Variants in ZNF175 observed in about 807,000 individuals in gnomAD.
ZNF175 encodes zinc finger protein 175.
In ZNF175, 8 loss-of-function variants were observed where a neutral mutation model predicts 14.0. That is an observed-to-expected ratio of 0.57 (90% CI 0.34 to 1.03). ZNF175 has a LOEUF of 1.03. Ranked by LOEUF, ZNF175 falls within the 50% of genes least tolerant of loss-of-function variation. The pLI is 0.03. For missense variants in ZNF175, 764 were observed against 849.5 expected (o/e 0.90, Z 1.25); for synonymous variants, 255 against 296.8 (o/e 0.86, Z 1.45).
intron 4 of ZNF175, among the ~76,000 whole-genome samples, chr19:51,586,031 C>T (rs975594552): frequency 3.3e-5 from 5 of 152,130 alleles, no homozygotes; most frequent in Admixed American, 6.5e-5. Context: ...ATAGGTGAAG[C>T]TTTAATAGTT....
chr19:51,581,188 A>G (rs1981986318), intron 2 of ZNF175, among the ~76,000 whole-genome samples: 1 of 152,178 alleles, frequency 6.6e-6, no homozygotes, highest in South Asian at 2.1e-4. Flanking sequence ...AAAAAAATGA[A>G]TGAATGAATG....
chr19:51,576,505 C>T (rs931383964), intron 2 of ZNF175, among the ~76,000 whole-genome samples: 4 of 152,088 alleles, frequency 2.6e-5, no homozygotes, highest in African/African-American at 9.7e-5. Context: ...CATTATCCCC[C>T]CTTTACAGAC....
chr19:51,575,400 G>A (rs76096869), intron 2 of ZNF175, among the ~76,000 whole-genome samples: 5 of 151,880 alleles, frequency 3.3e-5, no homozygotes, highest in African/African-American at 1.2e-4. Context: ...TGTATTTTTA[G>A]TAGAGATGAG....
chr19:51,587,731 G>A lies in ZNF175; in HGVS notation c.1400G>A (p.Arg467Lys). The change falls in exon 5 of 5, where the codon AGA (arginine) becomes AAA (lysine). Residue 467 changes from arginine (R) to lysine (K), a missense_variant. Transcript: ENST00000262259. ...AAGGCACACCTGATTGTCCATCAAAGAAGCCACACAGGAGAAAAACCTTAT... is the reference window on the plus strand; with the variant it reads ...AAGGCACACCTGATTGTCCATCAAAAAAGCCACACAGGAGAAAAACCTTAT... ...IQKAHLIVHQ[R>K]SHTGEKPYQC... The A allele has an allele frequency of 1.2e-6, 2 of 1,613,720 alleles. No homozygotes were observed. Among genetic ancestry groups the A allele is most frequent in the Non-Finnish European group, 1.7e-6 (2 of 1,179,620 alleles).
At chr19:51,581,655 G>A in intron 3 of ZNF175, 132 bp from the exon 4 acceptor site, 2 of 1,512,974 alleles carry the variant, frequency 1.3e-6, no homozygotes, top group Non-Finnish European at 1.8e-6. Context: ...GTTTCTTTTG[G>A]GCACCTTCTA....
intron 2 of ZNF175, 179 bp downstream of exon 2, chr19:51,573,580 T>G: frequency 3.3e-6 from 2 of 605,276 alleles, no homozygotes; most frequent in East Asian, 3.0e-5. Flanking sequence ...ATGAACTGGC[T>G]GATAAAAGAG....
intron 2 of ZNF175, among the ~76,000 whole-genome samples, chr19:51,579,251 CAAAAAAAAAAAAA>C (rs34198978): frequency 5.2e-5 from 3 of 58,100 alleles, no homozygotes; most frequent in Admixed American, 4.4e-4. Flanking sequence ...GACTCCATCT[CAAAAAAAAAAAAA>C]AAAAAAAAAA....
At chr19:51,577,765 G>A (rs185909180) in intron 2 of ZNF175, among the ~76,000 whole-genome samples, 110 of 148,670 alleles carry the variant, frequency 7.4e-4, no homozygotes, top group Middle Eastern at 3.4e-3. Context: ...CCGGGTTCAC[G>A]CCATTCTCCT....
chr19:51,583,262 G>C, intron 4 of ZNF175, among the ~76,000 whole-genome samples: 1 of 152,104 alleles, frequency 6.6e-6, no homozygotes, highest in East Asian at 1.9e-4. Context: ...TCTAGTCCCT[G>C]TGCTTAAACT....
chr19:51,582,308 G>T (rs1330029096), intron 4 of ZNF175, among the ~76,000 whole-genome samples: 6 of 151,898 alleles, frequency 4.0e-5, no homozygotes, highest in Admixed American at 3.3e-4. Flanking sequence ...TTTGGTTTTG[G>T]TTTTTTTGAG....
intron 1 of ZNF175, among the ~76,000 whole-genome samples, 200 bp downstream of exon 1, chr19:51,571,675 C>T (rs940984069): frequency 2.0e-5 from 3 of 152,044 alleles, no homozygotes; most frequent in Non-Finnish European, 4.4e-5. Context: ...TATATTGGTC[C>T]ACGAAACTTG....
chr19:51,571,875 C>T (rs1043932725), intron 1 of ZNF175, among the ~76,000 whole-genome samples: 3 of 152,140 alleles, frequency 2.0e-5, no homozygotes, highest in Admixed American at 2.0e-4. Flanking sequence ...GATGGGCAAC[C>T]TATAGGAATC....
At position 51,573,375 on chromosome 19, in the gene ZNF175, C is replaced by T. The variant is rs144093400; in HGVS notation, c.46C>T (p.Pro16Ser). 8.4e-5 allele frequency: 135 copies of T among 1,612,082 alleles called. No individual in the cohort carries two copies. The African/African-American group carries it at 1.7e-3, about 20-fold the overall frequency. ...ATCCCAGAAGCCTCAGGTCCTGGGT[C>T]CAGAGAAGCAGGATGGATCTTGCGA... ...NLSQKPQVLG[P>S]EKQDGSCEAS... Residue 16 changes from proline to serine, a missense_variant, in exon 2 of 5, where the codon CCA becomes TCA. Pro to Ser is a moderately conservative substitution (Grantham distance 74, BLOSUM62 -1). Coordinates refer to ENST00000262259, the MANE Select transcript of ZNF175 (RefSeq NM_007147.4).
At position 51,574,673 on chromosome 19, in the gene ZNF175, C is replaced by T. The variant is rs76186962; in HGVS notation, c.72+1272C>T. On this transcript the variant is annotated intron_variant, in intron 2 of 4. Coordinates refer to ENST00000262259, the MANE Select transcript of ZNF175 (RefSeq NM_007147.4). ...AATAGAGTGAGACCCTGTCTCAAAA[C>T]AAAACAAGTTTAAAACATGAAATTG... Among the ~76,000 whole-genome samples the T allele has an allele frequency of 2.6e-3, 397 of 152,230 alleles. 16 individuals carry two copies. In the East Asian group the frequency reaches 0.045, roughly 17 times the overall value.
Position 51,587,029 on chromosome 19 carries a change from T to G in ZNF175, c.698T>G (p.Phe233Cys). 6.2e-7 allele frequency: 1 copy of G among 1,614,232 alleles called. No homozygotes were observed. Among genetic ancestry groups the G allele is most frequent in the Non-Finnish European group, 8.5e-7 (1 of 1,180,030 alleles). The change falls in exon 5 of 5, where the codon TTC (phenylalanine) becomes TGC (cysteine). Residue 233 changes from phenylalanine (F) to cysteine (C), a missense_variant. Transcript: ENST00000262259. ...LDDVVGSGQL[F>C]SHSSSDACSK... Reference sequence around the variant, plus strand: ...GACGTTGTTGGGTCTGGTCAGCTATTCAGCCATAGCTCTTCTGATGCCTGC... The same window carrying G: ...GACGTTGTTGGGTCTGGTCAGCTATGCAGCCATAGCTCTTCTGATGCCTGC...
rs1412268188 is a variant in ZNF175 at position 51,589,512 on chromosome 19, A to T, written c.*1045A>T. 1 of 699,948 alleles carries T rather than the reference A, an allele frequency of 1.4e-6. No individual in the cohort carries two copies. The allele number at this position is 699,948 out of a possible 1,614,324, so 43.4% of individuals were successfully genotyped here. A position where few individuals can be genotyped will look rare whatever the true frequency, so the allele number is the denominator to read the frequency against. ...GCATAAATGAGATTCTATAATGTTT[A>T]CTGATCTTTATATTACAGATTTTCT... On this transcript the variant is annotated 3_prime_UTR_variant, in exon 5 of 5. Coordinates refer to ENST00000262259, the MANE Select transcript of ZNF175 (RefSeq NM_007147.4).
chr19:51,584,685 T>A (rs1372361137), intron 4 of ZNF175, among the ~76,000 whole-genome samples: 1 of 152,104 alleles, frequency 6.6e-6, no homozygotes, highest in Non-Finnish European at 1.5e-5. Context: ...AGGATGTGAA[T>A]AGACATGTCT....
In ZNF175 at chr19:51,588,106, G is replaced by T. The variant is rs372800556; in HGVS notation, c.1775G>T (p.Cys592Phe). 6.2e-7 allele frequency: 1 copy of T among 1,614,230 alleles called. No individual in the cohort carries two copies. The highest frequency in any genetic ancestry group is 8.5e-7 in the Non-Finnish European group (1 of 1,180,032). The change falls in exon 5 of 5, where the codon TGT becomes TTT. Residue 592 changes from cysteine (C) to phenylalanine (F), a missense_variant. Cys to Phe is a radical substitution (Grantham distance 205). Coordinates refer to ENST00000262259, the MANE Select transcript of ZNF175 (RefSeq NM_007147.4). ...TGEKPYVCTE[C>F]GKAFNGRSNF... ...GAGAAACCCTATGTGTGCACTGAAT[G>T]TGGGAAGGCCTTCAACGGCAGGTCA...
Position 51,591,205 on chromosome 19 carries a change from G to C in ZNF175, c.*2738G>C, listed in dbSNP as rs6509555. The C allele has an allele frequency of 0.68, 103,672 of 152,060 alleles. 35,712 individuals are homozygous for C. The highest frequency in any genetic ancestry group is 0.85 in the East Asian group (4,389 of 5,138). 9.4% of individuals were successfully genotyped at this position (152,060 alleles called of 1,614,324 possible). On this transcript the variant is annotated 3_prime_UTR_variant, in exon 5 of 5. Coordinates refer to ENST00000262259, the MANE Select transcript of ZNF175 (RefSeq NM_007147.4). The stretch of plus-strand genomic sequence containing the variant: ...AACAACTTAGTTTCCTCCCTACCTC[G>C]CAACCCCCTCTGTCTAGAGTGCTCA...
Sources: gnomAD v4.1 joint callset for allele counts (sites outside exome capture counted in the v4.1 genomes callset) on GRCh38, gnomAD v4.1.1 for gene constraint, MANE v1.5 for transcripts, NCBI Gene and HGNC (gene_info 2026-07-23, HGNC 2026-07-21) for gene names.